Variants in NFIB observed in about 807,000 individuals in gnomAD.
NFIB encodes nuclear factor 1 B-type.
In NFIB, 11 loss-of-function variants were observed where a neutral mutation model predicts 61.5. The observed-to-expected ratio is 0.18, with a 90% CI of 0.11 to 0.30. NFIB has a LOEUF of 0.30. NFIB is among the 10% of genes least tolerant of loss of function. NFIB has a pLI of 1.00. For missense variants in NFIB, 471 were observed against 608.9 expected (o/e 0.77, Z 2.38); for synonymous variants, 260 against 216.5 (o/e 1.20, Z -1.76).
chr9:14,202,412 G>C (rs1477744823), intron 2 of NFIB, among the ~76,000 whole-genome samples: 4 of 152,188 alleles, frequency 2.6e-5, no homozygotes, highest in Non-Finnish European at 5.9e-5. Flanking sequence ...CTACTGACTA[G>C]TTCGGGAGCT....
intron 6 of NFIB, among the ~76,000 whole-genome samples, chr9:14,144,750 A>G (rs966446477): frequency 5.3e-5 from 8 of 152,214 alleles, no homozygotes; most frequent in Non-Finnish European, 1.2e-4. Context: ...GGAAGACAGA[A>G]TTTAGACTGA....
At chr9:14,155,066 C>A (rs2043252900) in intron 4 of NFIB, among the ~76,000 whole-genome samples, 1 of 152,102 alleles carries the variant, frequency 6.6e-6, no homozygotes, top group Non-Finnish European at 1.5e-5. Context: ...AAAATATACC[C>A]TTCAAAGTTA....
intron 3 of NFIB, among the ~76,000 whole-genome samples, chr9:14,156,401 C>T (rs2043413188): frequency 6.6e-6 from 1 of 152,214 alleles, no homozygotes; most frequent in Non-Finnish European, 1.5e-5. Context: ...TCACTAATAA[C>T]ATAAAAAGCA....
intron 10 of NFIB, among the ~76,000 whole-genome samples, chr9:14,108,544 C>T (rs1328392445): frequency 6.6e-6 from 1 of 151,956 alleles, no homozygotes; most frequent in Non-Finnish European, 1.5e-5. Flanking sequence ...TTTAAATATA[C>T]ACTAGACCAG....
chr9:14,399,545 C>T (rs559100337), upstream of NFIB, among the ~76,000 whole-genome samples: 1 of 152,160 alleles, frequency 6.6e-6, no homozygotes, highest in South Asian at 2.1e-4. Context: ...AATACCTACC[C>T]TTTGGTTTTT....
intron 2 of NFIB, among the ~76,000 whole-genome samples, chr9:14,214,091 C>T (rs1377462284): frequency 6.6e-6 from 1 of 152,110 alleles, no homozygotes; most frequent in East Asian, 1.9e-4. Context: ...CACTCTGCTC[C>T]CCAAATAGGC....
intron 3 of NFIB, among the ~76,000 whole-genome samples, chr9:14,161,631 A>G (rs1467047900): frequency 2.0e-5 from 3 of 152,066 alleles, no homozygotes; most frequent in African/African-American, 7.2e-5. Context: ...TTATGACTAT[A>G]TATTGCATGG....
At chr9:14,206,448 T>G (rs2049728815) in intron 2 of NFIB, among the ~76,000 whole-genome samples, 1 of 151,966 alleles carries the variant, frequency 6.6e-6, no homozygotes, top group South Asian at 2.1e-4. Flanking sequence ...GGATTACAGG[T>G]GTGAGCCAAG....
intron 5 of NFIB, among the ~76,000 whole-genome samples, chr9:14,148,417 A>AT (rs1398382493): frequency 1.3e-5 from 2 of 151,952 alleles, no homozygotes; most frequent in Non-Finnish European, 2.9e-5. Context: ...CCCAGTGAAT[A>AT]TTTTTTCTTT....
intron 10 of NFIB, among the ~76,000 whole-genome samples, chr9:14,100,206 A>G (rs1016205288): frequency 6.6e-6 from 1 of 152,200 alleles, no homozygotes; most frequent in African/African-American, 2.4e-5. Flanking sequence ...GAAACATTTT[A>G]CCTAAATAAA....
chr9:14,412,905 G>A, the NFIB span, among the ~76,000 whole-genome samples: 1 of 152,140 alleles, frequency 6.6e-6, no homozygotes, highest in African/African-American at 2.4e-5. Context: ...GGTGGTGTCT[G>A]GTTACAAATA....
the NFIB span, among the ~76,000 whole-genome samples, chr9:14,466,564 G>C: frequency 6.6e-6 from 1 of 152,122 alleles, no homozygotes; most frequent in African/African-American, 2.4e-5. Context: ...CCTGAAAACA[G>C]TCGGAAGCTA....
chr9:14,529,745 A>C, the NFIB span, among the ~76,000 whole-genome samples: 1 of 152,216 alleles, frequency 6.6e-6, no homozygotes, highest in African/African-American at 2.4e-5. Flanking sequence ...GAATGGTCCC[A>C]ATAAGAAACT....
the NFIB span, among the ~76,000 whole-genome samples, chr9:14,505,987 C>T: frequency 1.3e-5 from 2 of 152,092 alleles, no homozygotes; most frequent in African/African-American, 4.8e-5. Flanking sequence ...AATGGTATTA[C>T]ACAATCGTTA....
chr9:14,134,644 C>G (rs550646911), intron 6 of NFIB, among the ~76,000 whole-genome samples: 59 of 152,208 alleles, frequency 3.9e-4, no homozygotes, highest in Non-Finnish European at 4.9e-4. Context: ...GTAATCCCAG[C>G]ACTTTGGGAG....
intron 1 of NFIB, among the ~76,000 whole-genome samples, chr9:14,393,622 G>A (rs745700633): frequency 6.6e-6 from 1 of 152,134 alleles, no homozygotes; most frequent in Non-Finnish European, 1.5e-5. Flanking sequence ...TTGAAGTGAT[G>A]CTAATTTGAA....
At chr9:14,241,631 A>C (rs1264676656) in intron 2 of NFIB, among the ~76,000 whole-genome samples, 1 of 152,152 alleles carries the variant, frequency 6.6e-6, no homozygotes, top group Non-Finnish European at 1.5e-5. Flanking sequence ...AAGAAACTTT[A>C]CACTCTGAAA....
At chr9:14,458,805 T>C in the NFIB span, among the ~76,000 whole-genome samples, 1 of 151,850 alleles carries the variant, frequency 6.6e-6, no homozygotes, top group Non-Finnish European at 1.5e-5. Context: ...GAATCCAACT[T>C]ACAAGGGATG....
intron 2 of NFIB, among the ~76,000 whole-genome samples, chr9:14,287,556 G>A (rs1174631325): frequency 2.0e-5 from 3 of 151,888 alleles, no homozygotes; most frequent in Admixed American, 6.5e-5. Flanking sequence ...CCGAGTAGCT[G>A]GGATTACAGG....
Sources: gnomAD v4.1 joint callset for allele counts (sites outside exome capture counted in the v4.1 genomes callset) on GRCh38, gnomAD v4.1.1 for gene constraint, MANE v1.5 for transcripts, NCBI Gene and HGNC (gene_info 2026-07-23, HGNC 2026-07-21) for gene names.